Variants in NCKAP5 observed in about 807,000 individuals in gnomAD.
NCKAP5 encodes the protein nck-associated protein 5.
NCKAP5 carries 92 observed loss-of-function variants against 167.0 expected under a neutral mutation model. That is an observed-to-expected ratio of 0.55 (90% confidence interval 0.47 to 0.66). The LOEUF is 0.66. NCKAP5 is among the 30% of genes least tolerant of loss of function. The pLI is 0.00. For synonymous variants in NCKAP5, 891 were observed against 877.4 expected, an observed-to-expected ratio of 1.02 and a Z score of -0.27; for missense variants, 2,378 against 2,315.0, an observed-to-expected ratio of 1.03 and a Z score of -0.56.
At chr2:132,948,598 C>G (rs1418082193) in intron 8 of NCKAP5, among the ~76,000 whole-genome samples, 2 of 152,134 alleles carry the variant, frequency 1.3e-5, no homozygotes, top group Non-Finnish European at 2.9e-5. Context: ...GTAACAAGCT[C>G]TTGGAGAGCC....
chr2:133,245,565 T>A (rs544846355), intron 4 of NCKAP5, among the ~76,000 whole-genome samples: 13 of 152,250 alleles, frequency 8.5e-5, no homozygotes, highest in African/African-American at 2.4e-4. Context: ...TGTTTTCACT[T>A]TGTGAAAAAC....
intron 11 of NCKAP5, among the ~76,000 whole-genome samples, chr2:132,852,331 C>CA (rs1558858796): frequency 6.6e-6 from 1 of 152,182 alleles, no homozygotes; most frequent in Non-Finnish European, 1.5e-5. Flanking sequence ...TAGTCTACTG[C>CA]AATATAATGT....
chr2:132,934,402 A>G (rs1696683309), intron 8 of NCKAP5, among the ~76,000 whole-genome samples: 1 of 152,138 alleles, frequency 6.6e-6, no homozygotes, highest in Admixed American at 6.5e-5. Flanking sequence ...GTGAAACCCC[A>G]TCTCTACTAA....
chr2:133,308,253 T>A (rs1211892698), intron 3 of NCKAP5, among the ~76,000 whole-genome samples: 1 of 151,716 alleles, frequency 6.6e-6, no homozygotes, highest in Non-Finnish European at 1.5e-5. Flanking sequence ...CACGCCCGGC[T>A]AATTTTTTGT....
intron 3 of NCKAP5, among the ~76,000 whole-genome samples, chr2:133,329,818 A>C (rs1462032867): frequency 6.6e-6 from 1 of 152,162 alleles, no homozygotes; most frequent in African/African-American, 2.4e-5. Context: ...GTGGTTGCCC[A>C]AGACCCCTCT....
At chr2:133,047,790 C>T (rs2079451905) in intron 6 of NCKAP5, among the ~76,000 whole-genome samples, 1 of 152,212 alleles carries the variant, frequency 6.6e-6, no homozygotes, top group South Asian at 2.1e-4. Flanking sequence ...CATCCATTCA[C>T]TTACACTAAC....
chr2:133,497,366 T>C (rs941184804), intron 3 of NCKAP5, among the ~76,000 whole-genome samples: 2 of 152,194 alleles, frequency 1.3e-5, no homozygotes, highest in Non-Finnish European at 2.9e-5. Flanking sequence ...AGGAGACTGT[T>C]TTTAACATTG....
intron 8 of NCKAP5, among the ~76,000 whole-genome samples, chr2:132,884,359 C>T (rs532091055): frequency 6.6e-6 from 1 of 152,268 alleles, no homozygotes; most frequent in East Asian, 1.9e-4. Flanking sequence ...TTGCTTTTGG[C>T]CAGTCCCATG....
intron 6 of NCKAP5, among the ~76,000 whole-genome samples, chr2:133,109,537 T>C (rs982579684): frequency 1.3e-5 from 2 of 152,164 alleles, no homozygotes; most frequent in African/African-American, 4.8e-5. Flanking sequence ...AAGTATTATA[T>C]TCATGACATT....
intron 18 of NCKAP5, among the ~76,000 whole-genome samples, chr2:132,727,042 C>T (rs1690524936): frequency 6.6e-6 from 1 of 152,182 alleles, no homozygotes; most frequent in Non-Finnish European, 1.5e-5. Context: ...CTAATTCCTG[C>T]TTGAAACGTT....
intron 5 of NCKAP5, among the ~76,000 whole-genome samples, chr2:133,205,349 G>A (rs76441364): frequency 0.011 from 1,470 of 135,564 alleles, 28 homozygotes; most frequent in African/African-American, 0.037. Flanking sequence ...AGATAGACAG[G>A]CAGACAAAAA....
intron 4 of NCKAP5, among the ~76,000 whole-genome samples, chr2:133,272,338 T>A (rs544857642): frequency 7.4e-4 from 113 of 152,132 alleles, no homozygotes; most frequent in African/African-American, 2.7e-3. Flanking sequence ...TGAAAAACAG[T>A]GGAGACATAA....
At chr2:132,809,063 T>C (rs749648353) in intron 11 of NCKAP5, among the ~76,000 whole-genome samples, 52 of 152,308 alleles carry the variant, frequency 3.4e-4, no homozygotes, top group Non-Finnish European at 6.2e-4. Context: ...CATTTCCACG[T>C]ATTTGCATGG....
At chr2:133,335,180 G>A (rs562984591) in intron 3 of NCKAP5, among the ~76,000 whole-genome samples, 1 of 152,018 alleles carries the variant, frequency 6.6e-6, no homozygotes, top group Non-Finnish European at 1.5e-5. Context: ...TCCATGGAAT[G>A]TCTCAGTGGT....
intron 11 of NCKAP5, among the ~76,000 whole-genome samples, chr2:132,845,345 T>C (rs1218726612): frequency 2.0e-5 from 3 of 152,172 alleles, no homozygotes; most frequent in Non-Finnish European, 2.9e-5. Flanking sequence ...CTTGGTTTTA[T>C]GCCTTGCTTG....
At chr2:133,186,627 G>A (rs78908828) in intron 5 of NCKAP5, among the ~76,000 whole-genome samples, 14,904 of 151,998 alleles carry the variant, frequency 0.098, 833 homozygotes, top group East Asian at 0.13. Context: ...TTCAATTTTG[G>A]TGCTTGTTAT....
the NCKAP5 span, among the ~76,000 whole-genome samples, chr2:133,629,814 T>C: frequency 6.6e-6 from 1 of 152,180 alleles, no homozygotes; most frequent in Non-Finnish European, 1.5e-5. Context: ...AGGAATGAGA[T>C]CATGTCCTTT....
the NCKAP5 span, among the ~76,000 whole-genome samples, chr2:133,657,091 T>C: frequency 6.6e-6 from 1 of 152,254 alleles, no homozygotes. Flanking sequence ...TGGAGATGTC[T>C]TTTATTTCTT....
chr2:132,839,070 T>C (rs964262125), intron 11 of NCKAP5, among the ~76,000 whole-genome samples: 15 of 152,368 alleles, frequency 9.8e-5, no homozygotes, highest in Admixed American at 5.9e-4. Context: ...TGTCTTTTTC[T>C]TGTCCATTTG....
Sources: gnomAD v4.1 joint callset for allele counts (sites outside exome capture counted in the v4.1 genomes callset) on GRCh38, gnomAD v4.1.1 for gene constraint, MANE v1.5 for transcripts, NCBI Gene and HGNC (gene_info 2026-07-23, HGNC 2026-07-21) for gene names.